ADGRF5: variants seen among roughly 807,000 people sequenced by gnomAD.
The protein encoded by ADGRF5 is adhesion G protein-coupled receptor F5.
ADGRF5 carries 75 observed loss-of-function variants against 132.3 expected under a neutral mutation model. The ratio of observed to expected loss-of-function variants is 0.57; its 90% CI spans 0.47 to 0.69. The LOEUF is 0.69. ADGRF5 is among the 30% of genes least tolerant of loss of function. The pLI is 0.00. For synonymous variants in ADGRF5, 629 were observed against 597.6 expected (o/e 1.05, Z -0.77); for missense variants, 1,516 against 1,630.6 (o/e 0.93, Z 1.21).
Position 46,859,270 on chromosome 6 carries a change from C to T in ADGRF5, c.2633G>A (p.Trp878Ter), listed in dbSNP as rs1362303702. The T allele has an allele frequency of 6.2e-7, 1 of 1,613,992 alleles. No individual in the cohort carries two copies. The highest frequency in any genetic ancestry group is 1.7e-4 in the Middle Eastern group (1 of 6,058). ...QRFVFPYFDLWGNVVIDKSYL... is the reference protein window; with the variant it reads ...QRFVFPYFDL ...GCTCTTGTCAATGACCACATTGCCC[C>T]AGAGGTCAAAGTATGGGAAAACAAA... Residue 878 changes from tryptophan (W) to a stop codon, truncating the protein, a stop_gained, in exon 17 of 21, where the codon TGG (tryptophan) becomes TAG (stop). Coordinates refer to ENST00000283296, the MANE Select transcript of ADGRF5 (RefSeq NM_001098518.2). LOFTEE classifies it high-confidence loss of function.
Position 46,884,218 on chromosome 6 carries a change from A to G in ADGRF5, c.382T>C (p.Trp128Arg). 2.5e-6 allele frequency: 4 copies of G among 1,614,062 alleles called. No homozygotes were observed. The highest frequency in any genetic ancestry group is 3.4e-6 in the Non-Finnish European group (4 of 1,179,892). The change falls in exon 5 of 21, where the codon TGG becomes CGG. Residue 128 changes from tryptophan to arginine, a missense_variant. Physicochemically the swap from Trp to Arg is moderately radical, Grantham distance 101 (BLOSUM62 -3). This residue lies in a region of ADGRF5 where 945 missense variants were observed against 929.4 expected (regional missense o/e 1.02). Transcript: ENST00000283296. ...IWCSCETGYG[W>R]PRERCLHNLI... is the part of the protein sequence containing the mutation. ...TTGTGAAGACACCTTTCCCGAGGCCACCCATAACCTGTCTCGCAGGAGCAC... is the reference window on the plus strand; with the variant it reads ...TTGTGAAGACACCTTTCCCGAGGCCGCCCATAACCTGTCTCGCAGGAGCAC...
intron 1 of ADGRF5, among the ~76,000 whole-genome samples, chr6:46,915,739 C>T (rs1017277068): frequency 2.6e-5 from 4 of 151,922 alleles, no homozygotes; most frequent in Non-Finnish European, 2.9e-5. Flanking sequence ...ATCCCCCCAC[C>T]CCCAACCCCA....
intron 8 of ADGRF5, 142 bp from the exon 9 acceptor site, chr6:46,880,181 C>G (rs1772292716): frequency 1.6e-6 from 1 of 640,676 alleles, no homozygotes; most frequent in South Asian, 1.9e-5. Flanking sequence ...TGTGTCTCCT[C>G]ACTCCATTCC....
intron 11 of ADGRF5, 94 bp downstream of exon 11, chr6:46,871,749 T>C (rs1771084769): frequency 2.5e-6 from 2 of 800,002 alleles, no homozygotes; most frequent in Admixed American, 4.7e-5. Context: ...TCCATTATTT[T>C]GCTCATAGAT....
At chr6:46,863,479 T>C (rs147688752) in intron 14 of ADGRF5, among the ~76,000 whole-genome samples, 2 of 152,200 alleles carry the variant, frequency 1.3e-5, no homozygotes, top group South Asian at 2.1e-4. Context: ...GTGATTCCAG[T>C]GTGCTGTCAA....
intron 16 of ADGRF5, among the ~76,000 whole-genome samples, chr6:46,860,080 C>T (rs1301186860): frequency 6.6e-6 from 1 of 152,158 alleles, no homozygotes; most frequent in Non-Finnish European, 1.5e-5. Context: ...GAGCACATGT[C>T]TGGTTATAGC....
At chr6:46,920,929 A>G (rs1776875846) in intron 1 of ADGRF5, among the ~76,000 whole-genome samples, 1 of 152,346 alleles carries the variant, frequency 6.6e-6, no homozygotes, top group Admixed American at 6.5e-5. Context: ...ATAGTCAAGT[A>G]TTATCTGTGT....
intron 1 of ADGRF5, among the ~76,000 whole-genome samples, chr6:46,912,906 A>G (rs1376907575): frequency 6.6e-6 from 1 of 152,178 alleles, no homozygotes; most frequent in African/African-American, 2.4e-5. Flanking sequence ...TACTGCACAA[A>G]GCCCTCTTCA....
At chr6:46,868,194 C>T (rs529932848) in intron 12 of ADGRF5, among the ~76,000 whole-genome samples, 1 of 152,174 alleles carries the variant, frequency 6.6e-6, no homozygotes, top group African/African-American at 2.4e-5. Context: ...AGTCAATCTG[C>T]GTTTGCATCC....
chr6:46,865,149 G>A lies in ADGRF5; in HGVS notation c.1883C>T (p.Ala628Val). The change falls in exon 14 of 21, where the codon GCA becomes GTA. Residue 628 changes from alanine (A) to valine (V), a missense_variant. Physicochemically the swap from Ala to Val is moderately conservative, Grantham distance 64. Coordinates refer to ENST00000283296, the MANE Select transcript of ADGRF5 (RefSeq NM_001098518.2). ...KQVCYKHNFN[A>V]SSVSWCSKTV... ...TTTTGAACACCAGGAAACTGAGCTT[G>A]CATTGAAATTGTGTTTGTAGCACAC... 6.2e-7 allele frequency: 1 copy of A among 1,611,934 alleles called. No individual in the cohort carries two copies. Among genetic ancestry groups the A allele is most frequent in the Non-Finnish European group, 8.5e-7 (1 of 1,178,064 alleles).
chr6:46,917,819 G>A (rs1204137909), intron 1 of ADGRF5, among the ~76,000 whole-genome samples: 4 of 152,180 alleles, frequency 2.6e-5, no homozygotes, highest in Non-Finnish European at 5.9e-5. Flanking sequence ...GATGGGCACA[G>A]CAAACAAACA....
rs567217042 is a variant in ADGRF5, at chr6:46,932,090, TA to T, written c.-25+22643del. Among the ~76,000 whole-genome samples, 7 of 152,304 alleles carry T rather than the reference TA, an allele frequency of 4.6e-5. No individual in the cohort carries two copies. The South Asian group carries it at 1.5e-3, about 32-fold the overall frequency. ...GAAAATAATTATATTGAAATACAGT[TA>T]AAACATAATGTGATTTAGTAGGCAT... On this transcript the variant is annotated intron_variant, in intron 1 of 20. Transcript: ENST00000265417.
intron 4 of ADGRF5, among the ~76,000 whole-genome samples, chr6:46,886,034 C>G (rs1773037145): frequency 6.6e-6 from 1 of 152,182 alleles, no homozygotes; most frequent in Non-Finnish European, 1.5e-5. Context: ...CAGGTGTGAA[C>G]AGCCTACATG....
intron 4 of ADGRF5, among the ~76,000 whole-genome samples, chr6:46,885,206 A>G (rs1772936108): frequency 6.6e-6 from 1 of 151,536 alleles, no homozygotes; most frequent in Non-Finnish European, 1.5e-5. Flanking sequence ...AAAAAAAAAA[A>G]AAAAAGAAAA....
At position 46,882,105 on chromosome 6, in the gene ADGRF5, G is replaced by C. The variant is rs1772545094; in HGVS notation, c.615C>G (p.Phe205Leu). The change falls in exon 7 of 21, where the codon TTC becomes TTG. Residue 205 changes from phenylalanine (F) to leucine (L), a missense_variant and splice_region_variant. Phe to Leu is a conservative substitution (Grantham distance 22). This residue lies in a region of ADGRF5 where 945 missense variants were observed against 929.4 expected (regional missense o/e 1.02). Coordinates refer to ENST00000283296, the MANE Select transcript of ADGRF5 (RefSeq NM_001098518.2). ...CTGGTAAAATTCCGTAACCCTTCCG[G>C]AACTGAAAAATAAAGCAAGATGAAT... ...RSYKTDLETA[F>L]RKGYGILPGF... The C allele has an allele frequency of 1.2e-6, 2 of 1,607,518 alleles. No homozygotes were observed. The highest frequency in any genetic ancestry group is 1.7e-6 in the Non-Finnish European group (2 of 1,174,330).
chr6:46,887,897 A>G (rs1198841942), intron 4 of ADGRF5: 1 of 154,568 alleles, frequency 6.5e-6, no homozygotes, highest in Non-Finnish European at 1.4e-5. Flanking sequence ...CCTGTTTCCT[A>G]TTTCCTGACC....
At chr6:46,879,696 A>G (rs931095921) in intron 9 of ADGRF5, 122 bp downstream of exon 9, 1 of 715,396 alleles carries the variant, frequency 1.4e-6, no homozygotes, top group Middle Eastern at 3.7e-4. Context: ...AGGTTGAACC[A>G]GGAGACTTAT....
rs73736311 is a variant in ADGRF5, at chr6:46,953,847, G to A, written c.-25+887C>T. Among the ~76,000 whole-genome samples, 1,410 of 151,486 alleles carry A rather than the reference G, an allele frequency of 9.3e-3. 27 individuals are homozygous for A. The highest frequency in any genetic ancestry group is 0.033 in the African/African-American group (1,351 of 41,268). On this transcript the variant is annotated intron_variant, in intron 1 of 20. Transcript: ENST00000265417. ...AATAAGCTAGAAAAGAATAGTAAAT[G>A]TTCAATAAATAGGTATGAATTGTTT...
chr6:46,894,307 T>A (rs1029468584), intron 3 of ADGRF5, among the ~76,000 whole-genome samples: 3 of 152,230 alleles, frequency 2.0e-5, no homozygotes, highest in African/African-American at 7.2e-5. Flanking sequence ...CATTCTCTCT[T>A]CAGGTTTCAG....
Sources: allele counts gnomAD v4.1 joint callset (sites outside exome capture counted in the v4.1 genomes callset), GRCh38; gene constraint gnomAD v4.1.1; regional missense constraint gnomAD v4.1.1; transcripts MANE v1.5; gene names NCBI Gene and HGNC (gene_info 2026-07-23, HGNC 2026-07-21).